Variants in NRXN1 observed in about 807,000 individuals in gnomAD.
The protein encoded by NRXN1 is neurexin 1.
A neutral mutation model predicts 150.9 loss-of-function variants in NRXN1; 39 were observed. The observed-to-expected ratio is 0.26, with a 90% CI of 0.20 to 0.34. NRXN1 has a LOEUF of 0.34. NRXN1 is among the 10% of genes least tolerant of loss of function. NRXN1 has a pLI of 1.00. For missense variants in NRXN1, 1,815 were observed against 1,949.9 expected, an observed-to-expected ratio of 0.93 and a Z score of 1.30; for synonymous variants, 924 against 757.0, an observed-to-expected ratio of 1.22 and a Z score of -3.62.
At chr2:50,700,944 G>A (rs1018724270) in intron 5 of NRXN1, among the ~76,000 whole-genome samples, 1 of 152,026 alleles carries the variant, frequency 6.6e-6, no homozygotes, top group African/African-American at 2.4e-5. Flanking sequence ...GGGATTACAG[G>A]CGTGAGCAAC....
rs771998406 is a variant in NRXN1, at chr2:50,921,893, T to A, written c.821-13A>T. On this transcript the variant is annotated splice_polypyrimidine_tract_variant and intron_variant, in intron 4 of 22. Coordinates refer to ENST00000401669, the MANE Select transcript of NRXN1 (RefSeq NM_001330078.2). ...CCTTTACTTTTACCTATGGATTTGATGAAATGGGTCCATGAAGAAAGGGTT... is the reference window on the plus strand; with the variant it reads ...CCTTTACTTTTACCTATGGATTTGAAGAAATGGGTCCATGAAGAAAGGGTT... The A allele has an allele frequency of 3.6e-6, 5 of 1,398,546 alleles. No homozygotes were observed. Among genetic ancestry groups the A allele is most frequent in the Non-Finnish European group, 4.8e-6 (5 of 1,046,174 alleles). The allele number at this position is 1,398,546 out of a possible 1,614,324, so 86.6% of individuals were successfully genotyped here.
Position 50,070,726 on chromosome 2 carries a change from C to T in NRXN1, c.3719-15682G>A, listed in dbSNP as rs982986755. ...CGGAGCTTGCAGTGAGCCGAGATCC[C>T]GCCACTGCACTCCAGCCTGGGCGAC... On this transcript the variant is annotated intron_variant, in intron 19 of 22. Coordinates refer to ENST00000401669, the MANE Select transcript of NRXN1 (RefSeq NM_001330078.2). Among the ~76,000 whole-genome samples, 10 of 147,584 alleles carry T rather than the reference C, an allele frequency of 6.8e-5. No individual in the cohort carries two copies. The South Asian group carries it at 1.1e-3, about 16-fold the overall frequency.
At chr2:50,962,738 T>G (rs566027986) in intron 2 of NRXN1, among the ~76,000 whole-genome samples, 27 of 151,780 alleles carry the variant, frequency 1.8e-4, no homozygotes, top group African/African-American at 6.0e-4. Flanking sequence ...TAAAAACAAA[T>G]TAAGCTTCAC....
Position 49,921,996 on chromosome 2 carries a change from G to A in NRXN1, c.4472C>T (p.Ala1491Val), listed in dbSNP as rs148764264. The change falls in exon 23 of 23, where the codon GCG becomes GTG. Residue 1491 changes from alanine to valine, a missense_variant. By Grantham distance (64) the Ala-to-Val change is moderately conservative (BLOSUM62 0). This residue lies in a region of NRXN1 where 265 missense variants were observed against 307.1 expected (regional missense o/e 0.86). Coordinates refer to ENST00000401669, the MANE Select transcript of NRXN1 (RefSeq NM_001330078.2). ...TTTCTTATTTTTGTTGGAGCTTTTC[G>A]CACTGCTGGGTTGTTTCTCCTTTAC... is the stretch of plus-strand genomic sequence containing the variant. ...AVVKEKQPSS[A>V]KSSNKNKKNK... 21 of 1,613,914 alleles carry A rather than the reference G, an allele frequency of 1.3e-5. No individual in the cohort carries two copies. Among genetic ancestry groups the A allele is most frequent in the Admixed American group, 1.7e-5 (1 of 59,984 alleles).
intron 15 of NRXN1, among the ~76,000 whole-genome samples, chr2:50,490,476 G>A (rs2091187536): frequency 6.6e-6 from 1 of 152,180 alleles, no homozygotes; most frequent in South Asian, 2.1e-4. Flanking sequence ...AGCAGCAGGG[G>A]AAAAGCTTAT....
chr2:50,622,215 T>G (rs368276978), intron 6 of NRXN1, among the ~76,000 whole-genome samples: 104 of 152,294 alleles, frequency 6.8e-4, no homozygotes, highest in Admixed American at 1.6e-3. Context: ...ATCTTTCAGT[T>G]TTATTTGTTT....
At chr2:50,298,231 AT>A (rs1405251495) in intron 17 of NRXN1, among the ~76,000 whole-genome samples, 7 of 152,082 alleles carry the variant, frequency 4.6e-5, no homozygotes, top group African/African-American at 1.7e-4. Flanking sequence ...ACTGAAAATT[AT>A]TTTTTTAAGG....
intron 5 of NRXN1, among the ~76,000 whole-genome samples, chr2:50,843,055 C>T (rs1673107793): frequency 6.6e-6 from 1 of 152,116 alleles, no homozygotes; most frequent in Admixed American, 6.5e-5. Flanking sequence ...TACTCATTAT[C>T]GCTAAAGAAA....
At chr2:50,818,356 T>C (rs536015910) in intron 5 of NRXN1, among the ~76,000 whole-genome samples, 1 of 152,084 alleles carries the variant, frequency 6.6e-6, no homozygotes, top group South Asian at 2.1e-4. Context: ...AATCAGTATA[T>C]AAGTTTTCAG....
intron 22 of NRXN1, among the ~76,000 whole-genome samples, chr2:49,941,101 A>G (rs920035): frequency 0.17 from 26,533 of 151,886 alleles, 2,576 homozygotes; most frequent in East Asian, 0.3. Context: ...GAACAAGTCC[A>G]TGCAGGCAGC....
Position 50,552,682 on chromosome 2 carries a change from T to C in NRXN1, c.1664A>G (p.Asp555Gly). ...MLDGHLYLLL[D>G]MGSGTIKIKA... ...TATTTTTATAGTACCTGACCCCATGTCCAGGAGGAGGTAGAGGTGGCCATC... is the reference window on the plus strand; with the variant it reads ...TATTTTTATAGTACCTGACCCCATGCCCAGGAGGAGGTAGAGGTGGCCATC... Residue 555 changes from aspartate to glycine, a missense_variant, in exon 9 of 23, where the codon GAC becomes GGC. Physicochemically the swap from Asp to Gly is moderately conservative, Grantham distance 94. Around this residue, in one of 6 missense-constraint regions of NRXN1, gnomAD observed 638 missense variants for 652.6 expected, o/e 0.98. Coordinates refer to ENST00000401669, the MANE Select transcript of NRXN1 (RefSeq NM_001330078.2). The C allele has an allele frequency of 6.2e-7, 1 of 1,613,878 alleles. No homozygotes were observed. Among genetic ancestry groups the C allele is most frequent in the Non-Finnish European group, 8.5e-7 (1 of 1,179,770 alleles).
intron 12 of NRXN1, among the ~76,000 whole-genome samples, chr2:50,512,707 GAGAGGGTAA>G: frequency 6.6e-6 from 1 of 152,120 alleles, no homozygotes; most frequent in Admixed American, 6.6e-5. Context: ...GCCAAAGTCA[GAGAGGGTAA>G]ACATTCTTTG....
At chr2:50,451,893 T>C (rs889524767) in intron 17 of NRXN1, among the ~76,000 whole-genome samples, 1 of 152,342 alleles carries the variant, frequency 6.6e-6, no homozygotes, top group Admixed American at 6.5e-5. Flanking sequence ...TAGTTAGTAG[T>C]AGTATTCCTG....
chr2:50,359,544 G>C (rs1215146689), intron 17 of NRXN1, among the ~76,000 whole-genome samples: 1 of 151,602 alleles, frequency 6.6e-6, no homozygotes, highest in Non-Finnish European at 1.5e-5. Context: ...AAAGCATGGA[G>C]ACAAGATTAG....
At chr2:50,820,207 A>G (rs912932011) in intron 5 of NRXN1, among the ~76,000 whole-genome samples, 1 of 152,052 alleles carries the variant, frequency 6.6e-6, no homozygotes, top group African/African-American at 2.4e-5. Flanking sequence ...ATTAATTCCT[A>G]TTGAACTTAC....
At chr2:50,649,285 CACACACACACAA>C (rs1206611973) in intron 5 of NRXN1, among the ~76,000 whole-genome samples, 1 of 151,286 alleles carries the variant, frequency 6.6e-6, no homozygotes, top group Non-Finnish European at 1.5e-5. Flanking sequence ...CACACACACA[CACACACACACAA>C]AGAAATCACA....
intron 8 of NRXN1, among the ~76,000 whole-genome samples, chr2:50,582,848 C>T (rs1672503895): frequency 6.6e-6 from 1 of 152,114 alleles, no homozygotes; most frequent in South Asian, 2.1e-4. Flanking sequence ...CCCGCAATAG[C>T]TATCAGAACC....
intron 5 of NRXN1, among the ~76,000 whole-genome samples, chr2:50,629,998 A>T (rs1171829915): frequency 6.6e-6 from 1 of 151,654 alleles, no homozygotes; most frequent in East Asian, 1.9e-4. Context: ...AAAAAGTAAT[A>T]TTTAAAAATT....
intron 14 of NRXN1, 47 bp from the exon 15 acceptor site, chr2:50,496,142 T>C (rs780314899): frequency 5.5e-6 from 8 of 1,442,610 alleles, no homozygotes; most frequent in Non-Finnish European, 3.8e-6. Context: ...TTTTTAAATT[T>C]TGATGAACCT....
Sources: allele counts gnomAD v4.1 joint callset (sites outside exome capture counted in the v4.1 genomes callset), GRCh38; gene constraint gnomAD v4.1.1; regional missense constraint gnomAD v4.1.1; transcripts MANE v1.5; gene names NCBI Gene and HGNC (gene_info 2026-07-23, HGNC 2026-07-21).